ZNF407: variants seen among roughly 807,000 people sequenced by gnomAD.
The protein encoded by ZNF407 is zinc finger protein 407.
ZNF407 carries 17 observed loss-of-function variants against 131.2 expected under a neutral mutation model. That is an observed-to-expected ratio of 0.13 (90% CI 0.09 to 0.19). The LOEUF (loss-of-function observed/expected upper bound fraction) is 0.19. Ranked by LOEUF, ZNF407 falls within the 10% of genes least tolerant of loss-of-function variation. The probability of loss-of-function intolerance (pLI) is 1.00; values close to 1 mark genes in which losing one functional copy is unlikely to be tolerated. For missense variants in ZNF407, 2,681 were observed against 2,830.6 expected (o/e 0.95, Z 1.20); for synonymous variants, 1,156 against 1,062.0 (o/e 1.09, Z -1.72).
intron 3 of ZNF407, among the ~76,000 whole-genome samples, chr18:74,683,153 A>G (rs1448260478): frequency 6.6e-6 from 1 of 152,220 alleles, no homozygotes; most frequent in Non-Finnish European, 1.5e-5. Context: ...ATAACAAATC[A>G]CTGGAAATGT....
intron 4 of ZNF407, among the ~76,000 whole-genome samples, chr18:74,800,502 T>A (rs1038170401): frequency 6.6e-6 from 1 of 152,134 alleles, no homozygotes; most frequent in Middle Eastern, 3.2e-3. Flanking sequence ...GTAGATTTGC[T>A]TAACGGAAAT....
At chr18:74,929,373 T>G (rs1971955056) in intron 8 of ZNF407, among the ~76,000 whole-genome samples, 1 of 152,044 alleles carries the variant, frequency 6.6e-6, no homozygotes, top group African/African-American at 2.4e-5. Context: ...AACTGGATTT[T>G]GAAAGTTAAA....
intron 8 of ZNF407, among the ~76,000 whole-genome samples, chr18:75,011,862 G>T (rs1972978047): frequency 6.6e-6 from 1 of 152,108 alleles, no homozygotes; most frequent in African/African-American, 2.4e-5. Context: ...TTTGTTGAAA[G>T]TATAAATTAG....
intron 3 of ZNF407, among the ~76,000 whole-genome samples, chr18:74,694,837 T>A (rs1032826911): frequency 3.3e-5 from 5 of 152,244 alleles, no homozygotes; most frequent in African/African-American, 1.2e-4. Flanking sequence ...ACTTTGTAAT[T>A]TCTGTACCTA....
chr18:74,881,226 A>G (rs950203646), intron 6 of ZNF407, 107 bp downstream of exon 6: 10 of 996,952 alleles, frequency 1.0e-5, no homozygotes, highest in Non-Finnish European at 1.5e-5. Context: ...TTTTTATAAC[A>G]TCTGTGCACT....
intron 3 of ZNF407, among the ~76,000 whole-genome samples, chr18:74,665,855 G>A (rs1287388504): frequency 6.6e-6 from 1 of 152,040 alleles, no homozygotes. Context: ...CATTCACTTG[G>A]TTTTCTTCAC....
At chr18:74,778,542 G>A (rs1969522948) in intron 3 of ZNF407, among the ~76,000 whole-genome samples, 1 of 152,012 alleles carries the variant, frequency 6.6e-6, no homozygotes, top group Non-Finnish European at 1.5e-5. Flanking sequence ...TTTTTTGAGG[G>A]CAGGGACTTT....
At chr18:75,015,542 TATC>T (rs992812396) in intron 8 of ZNF407, among the ~76,000 whole-genome samples, 70 of 147,452 alleles carry the variant, frequency 4.7e-4, no homozygotes, top group Middle Eastern at 3.6e-3. Flanking sequence ...AAATGATTAA[TATC>T]ATATAAAACA....
intron 3 of ZNF407, among the ~76,000 whole-genome samples, chr18:74,749,682 G>GTCCAA (rs909340125): frequency 3.9e-5 from 6 of 152,122 alleles, no homozygotes; most frequent in Non-Finnish European, 8.8e-5. Context: ...AATCATTCTA[G>GTCCAA]TTTGGAAGTA....
chr18:74,962,819 C>G (rs1599266270), intron 8 of ZNF407, among the ~76,000 whole-genome samples: 1 of 152,332 alleles, frequency 6.6e-6, no homozygotes, highest in Non-Finnish European at 1.5e-5. Context: ...GTTGGCTGTC[C>G]AGCTCTCCTA....
chr18:74,663,874 A>C (rs895537292), intron 3 of ZNF407, among the ~76,000 whole-genome samples: 1 of 152,160 alleles, frequency 6.6e-6, no homozygotes, highest in African/African-American at 2.4e-5. Context: ...AGGAAACGTA[A>C]ATTTCCAGAT....
chr18:74,701,927 G>A (rs1967505887), intron 3 of ZNF407, among the ~76,000 whole-genome samples: 2 of 152,276 alleles, frequency 1.3e-5, no homozygotes, highest in Admixed American at 1.3e-4. Flanking sequence ...TGTGAATCTT[G>A]AATTTCAAAC....
chr18:74,682,373 T>A (rs900654004), intron 3 of ZNF407, among the ~76,000 whole-genome samples: 2 of 152,174 alleles, frequency 1.3e-5, no homozygotes, highest in Non-Finnish European at 2.9e-5. Context: ...GCAGCAGGAT[T>A]GTCCTCCCTT....
rs60778278 is a variant in ZNF407 at position 75,000,288 on chromosome 18, T to C, written c.5429-62862T>C. 3.3e-3 allele frequency among the ~76,000 whole-genome samples: 505 copies of C among 152,356 alleles called. 8 individuals are homozygous for C. The highest frequency in any genetic ancestry group is 0.011 in the African/African-American group (472 of 41,580). ...TATCTATTCAAGACAGATTAATTTT[T>C]AAATAACATGCTACAGTCCTAGCAC... On this transcript the variant is annotated intron_variant, in intron 8 of 8. Transcript: ENST00000299687.
chr18:74,653,035 T>G (rs1421604400), intron 3 of ZNF407, among the ~76,000 whole-genome samples: 2 of 151,998 alleles, frequency 1.3e-5, no homozygotes, highest in African/African-American at 2.4e-5. Flanking sequence ...CAATTTATAT[T>G]TGACTCCACA....
intron 8 of ZNF407, among the ~76,000 whole-genome samples, chr18:75,054,463 G>A (rs867018817): frequency 2.0e-5 from 3 of 152,142 alleles, no homozygotes; most frequent in African/African-American, 4.8e-5. Flanking sequence ...AGTGAATGTG[G>A]GTTTTTTTAT....
At chr18:74,630,328 A>T (rs1224429709) in intron 1 of ZNF407, among the ~76,000 whole-genome samples, 1 of 151,598 alleles carries the variant, frequency 6.6e-6, no homozygotes, top group Non-Finnish European at 1.5e-5. Context: ...CTGCCACCAT[A>T]CCTGGCTAAT....
At chr18:74,842,815 C>G (rs368270246) in intron 4 of ZNF407, among the ~76,000 whole-genome samples, 2 of 152,236 alleles carry the variant, frequency 1.3e-5, no homozygotes, top group South Asian at 4.1e-4. Context: ...CTTCTGCCTC[C>G]TGGGTTCAAG....
chr18:74,928,034 G>T (rs76920481), intron 8 of ZNF407, among the ~76,000 whole-genome samples: 1,607 of 152,234 alleles, frequency 0.011, 27 homozygotes, highest in African/African-American at 0.036. Flanking sequence ...TGTTTATCCT[G>T]TGCCAAATAT....
Sources: gnomAD v4.1 joint callset for allele counts (sites outside exome capture counted in the v4.1 genomes callset) on GRCh38, gnomAD v4.1.1 for gene constraint, MANE v1.5 for transcripts, NCBI Gene and HGNC (gene_info 2026-07-23, HGNC 2026-07-21) for gene names.